Variants in RCAN1 observed in about 807,000 individuals in gnomAD.
RCAN1 encodes calcipressin-1.
RCAN1 carries 11 observed loss-of-function variants against 22.9 expected under a neutral mutation model. The ratio of observed to expected loss-of-function variants is 0.48; its 90% CI spans 0.30 to 0.79. The LOEUF is 0.79. RCAN1 is among the 30% of genes least tolerant of loss of function. The pLI is 0.06. For missense variants in RCAN1, 291 were observed against 337.8 expected (o/e 0.86, Z 1.09); for synonymous variants, 136 against 142.3 (o/e 0.96, Z 0.32).
rs150206281 is a variant in RCAN1 at position 34,521,703 on chromosome 21, A to G, written c.427-45T>C. 1.0e-3 allele frequency: 1,602 copies of G among 1,539,326 alleles called. 2 individuals carry two copies. Among genetic ancestry groups the G allele is most frequent in the Non-Finnish European group, 1.3e-3 (1,481 of 1,133,590 alleles). The stretch of plus-strand genomic sequence containing the variant: ...ACAGGTCAGTTGTTGCCAGGGAAGA[A>G]CTGCAGTGAGGCAACAGCACCTAAC... On this transcript the variant is annotated intron_variant, in intron 2 of 3. Transcript: ENST00000313806.
intron 1 of RCAN1, among the ~76,000 whole-genome samples, chr21:34,546,793 A>G (rs1268385409): frequency 1.3e-5 from 2 of 152,222 alleles, no homozygotes; most frequent in Admixed American, 1.3e-4. Flanking sequence ...ATTCAATTCC[A>G]TTTTAGATAT....
chr21:34,517,793 G>T lies in RCAN1; in HGVS notation c.*291C>A, dbSNP rs1478172537. ...GACAGAACCTACCAGAAAAGAACAA[G>T]TACAAAACACTATCATTATCTGTTT... On this transcript the variant is annotated 3_prime_UTR_variant, in exon 4 of 4. Coordinates refer to ENST00000313806, the MANE Select transcript of RCAN1 (RefSeq NM_004414.7). 1 of 404,936 alleles carries T rather than the reference G, an allele frequency of 2.5e-6. No individual in the cohort carries two copies. The highest frequency in any genetic ancestry group is 2.0e-5 in the African/African-American group (1 of 49,426). The allele number at this position is 404,936 out of a possible 1,614,324, so 25.1% of individuals were successfully genotyped here.
chr21:34,530,630 T>TTGTTTTGTTTTG (rs1555856722), intron 1 of RCAN1, among the ~76,000 whole-genome samples: 13 of 95,632 alleles, frequency 1.4e-4, no homozygotes, highest in African/African-American at 4.6e-4. Flanking sequence ...TTTTTTTTTT[T>TTGTTTTGTTTTG]TTTTTTTTTT....
intron 1 of RCAN1, among the ~76,000 whole-genome samples, chr21:34,578,413 C>A (rs915323062): frequency 6.6e-6 from 1 of 152,166 alleles, no homozygotes; most frequent in African/African-American, 2.4e-5. Context: ...CAGCCATCAG[C>A]CAGCATCAGC....
At chr21:34,525,409 G>A in intron 1 of RCAN1, 1 of 1,429,126 alleles carries the variant, frequency 7.0e-7, no homozygotes, top group Non-Finnish European at 9.2e-7. Flanking sequence ...GGACGGTAGA[G>A]TTCATCTGGC....
intron 1 of RCAN1, among the ~76,000 whole-genome samples, chr21:34,541,840 A>C (rs1985927708): frequency 6.6e-6 from 1 of 152,172 alleles, no homozygotes; most frequent in Non-Finnish European, 1.5e-5. Flanking sequence ...AGGCTGAGGC[A>C]GGAGAATGGT....
chr21:34,530,615 A>AG (rs1407293539), intron 1 of RCAN1, among the ~76,000 whole-genome samples: 1 of 76,690 alleles, frequency 1.3e-5, no homozygotes, highest in East Asian at 5.0e-4. Context: ...ATAGTGAAAT[A>AG]GTTTTTTTTT....
At chr21:34,526,041 G>A (rs919242955) in intron 1 of RCAN1, among the ~76,000 whole-genome samples, 8 of 152,136 alleles carry the variant, frequency 5.3e-5, no homozygotes, top group East Asian at 1.9e-4. Context: ...TCAATTAGCC[G>A]GATAGCTGCT....
chr21:34,528,295 T>C (rs1985187600), intron 1 of RCAN1, among the ~76,000 whole-genome samples: 1 of 152,210 alleles, frequency 6.6e-6, no homozygotes, highest in South Asian at 2.1e-4. Flanking sequence ...AGCAAAGTCC[T>C]TTTGGATGAG....
chr21:34,535,740 T>G (rs1332267359), intron 1 of RCAN1, among the ~76,000 whole-genome samples: 1 of 152,162 alleles, frequency 6.6e-6, no homozygotes, highest in Non-Finnish European at 1.5e-5. Context: ...AGATAAAAAA[T>G]CTGAGTGGCT....
chr21:34,522,516 C>A (rs994671171), intron 2 of RCAN1: 1 of 152,212 alleles, frequency 6.6e-6, no homozygotes, highest in African/African-American at 2.4e-5. Context: ...CAGCCTGTGC[C>A]TCCCAGGGCA....
intron 1 of RCAN1, among the ~76,000 whole-genome samples, chr21:34,580,890 G>A (rs1383618541): frequency 2.0e-5 from 3 of 152,178 alleles, no homozygotes; most frequent in Non-Finnish European, 2.9e-5. Context: ...TATGCACATG[G>A]ATGCTGTAAA....
At chr21:34,563,125 A>G (rs186071980) in intron 1 of RCAN1, among the ~76,000 whole-genome samples, 170 of 152,322 alleles carry the variant, frequency 1.1e-3, no homozygotes, top group Non-Finnish European at 2.1e-3. Flanking sequence ...AAAGACCCCA[A>G]CTTGTTAGAA....
In RCAN1 at chr21:34,580,372, C is replaced by T. The variant is rs1161923697; in HGVS notation, c.252+34388G>A. 3.3e-5 allele frequency among the ~76,000 whole-genome samples: 5 copies of T among 152,342 alleles called. No individual in the cohort carries two copies. In the East Asian group the frequency reaches 9.6e-4, roughly 29 times the overall value. Reference sequence around the variant, plus strand: ...TGTGTCCTTCCACCTTCCTGAGGCCCTGGCTGATATGGAAACTGGCTGGCA... The same window carrying T: ...TGTGTCCTTCCACCTTCCTGAGGCCTTGGCTGATATGGAAACTGGCTGGCA... On this transcript the variant is annotated intron_variant, in intron 1 of 3. Coordinates refer to ENST00000313806, the MANE Select transcript of RCAN1 (RefSeq NM_004414.7).
At chr21:34,531,934 G>A (rs1179571388) in intron 1 of RCAN1, among the ~76,000 whole-genome samples, 1 of 152,102 alleles carries the variant, frequency 6.6e-6, no homozygotes, top group Non-Finnish European at 1.5e-5. Flanking sequence ...AATGATGCCT[G>A]CTGAAGCCCG....
chr21:34,540,899 C>A (rs908081919), intron 1 of RCAN1, among the ~76,000 whole-genome samples: 2 of 152,000 alleles, frequency 1.3e-5, no homozygotes, highest in Non-Finnish European at 2.9e-5. Flanking sequence ...GTAGAAGAAC[C>A]GCTTGAACCT....
chr21:34,577,848 A>G lies in RCAN1; in HGVS notation c.252+36912T>C, dbSNP rs78322961. On this transcript the variant is annotated intron_variant, in intron 1 of 3. Coordinates refer to ENST00000313806, the MANE Select transcript of RCAN1 (RefSeq NM_004414.7). Reference sequence around the variant, plus strand: ...ATGTAGGAGTGAGAGGGAAGGTGCCAACAATATCTCCCCACTTTCTAGCAC... The same window carrying G: ...ATGTAGGAGTGAGAGGGAAGGTGCCGACAATATCTCCCCACTTTCTAGCAC... Among the ~76,000 whole-genome samples the G allele has an allele frequency of 5.1e-3, 776 of 152,306 alleles. 7 individuals carry two copies. The highest frequency in any genetic ancestry group is 7.6e-3 in the Non-Finnish European group (517 of 68,012).
In RCAN1 at chr21:34,614,639, G is replaced by A. The variant is rs189911031; in HGVS notation, c.252+121C>T. 1 of 1,121,508 alleles carries A rather than the reference G, an allele frequency of 8.9e-7. No homozygotes were observed. Among genetic ancestry groups the A allele is most frequent in the South Asian group, 4.1e-5 (1 of 24,678 alleles). 69.5% of individuals were successfully genotyped at this position (1,121,508 alleles called of 1,614,324 possible). ...GACGGGTCCGCGGCCGAGCAGCCCG[G>A]GGGACGTCGCTGCCTCCCCGCCCCG... On this transcript the variant is annotated intron_variant, in intron 1 of 3. Transcript: ENST00000313806. The surrounding 1 kb of genome is among the most constrained non-coding windows in gnomAD (Gnocchi z 6.0).
chr21:34,577,142 G>A (rs948534261), intron 1 of RCAN1, among the ~76,000 whole-genome samples: 6 of 152,214 alleles, frequency 3.9e-5, no homozygotes, highest in Non-Finnish European at 7.3e-5. Flanking sequence ...CTGCACTAAT[G>A]AGCTGAGTGA....
Sources: gnomAD v4.1 joint callset for allele counts (sites outside exome capture counted in the v4.1 genomes callset) on GRCh38, gnomAD v4.1.1 for gene constraint, Gnocchi (gnomAD v3.1) non-coding constraint, MANE v1.5 for transcripts, NCBI Gene and HGNC (gene_info 2026-07-23, HGNC 2026-07-21) for gene names.